Variants in KIAA0040 observed in about 807,000 individuals in gnomAD.
KIAA0040 encodes KIAA0040, also known as uncharacterized protein KIAA0040.
KIAA0040 carries 10 observed loss-of-function variants against 7.2 expected under a neutral mutation model. That is an observed-to-expected ratio of 1.38 (90% CI 0.85 to 2.34). KIAA0040 has a LOEUF of 2.34. KIAA0040 is among the 30% of genes most tolerant of loss of function. KIAA0040 has a pLI of 0.00. For synonymous variants in KIAA0040, 49 were observed against 40.1 expected (o/e 1.22, Z -0.84); for missense variants, 89 against 108.2 (o/e 0.82, Z 0.79).
At chr1:175,162,858 T>C (rs1006319869) in intron 3 of KIAA0040, among the ~76,000 whole-genome samples, 3 of 152,242 alleles carry the variant, frequency 2.0e-5, no homozygotes, top group African/African-American at 2.4e-5. Context: ...CACCTACTAC[T>C]GAGCCTTTTG....
chr1:175,178,222 C>T (rs946460610), intron 1 of KIAA0040, among the ~76,000 whole-genome samples: 1 of 152,208 alleles, frequency 6.6e-6, no homozygotes, highest in African/African-American at 2.4e-5. Flanking sequence ...GGCTAGCGGG[C>T]CATGTCCACT....
rs536358802 is a variant in KIAA0040 at position 175,183,436 on chromosome 1, GCT to G, written c.-383-5754_-383-5753del. ...CCCACATTCACTTCTGGCACCCCAA[GCT>G]CTCATACTTATGCAAGCTTCTTGTA... On this transcript the variant is annotated intron_variant, in intron 1 of 3. Coordinates refer to ENST00000423313, the MANE Select transcript of KIAA0040 (RefSeq NM_014656.3). Among the ~76,000 whole-genome samples, 139 of 152,320 alleles carry G rather than the reference GCT, an allele frequency of 9.1e-4. 1 individual carries two copies. The highest frequency in any genetic ancestry group is 3.2e-3 in the African/African-American group (135 of 41,574).
intron 3 of KIAA0040, among the ~76,000 whole-genome samples, chr1:175,161,719 C>T (rs953905149): frequency 3.9e-5 from 6 of 152,146 alleles, no homozygotes; most frequent in African/African-American, 7.2e-5. Flanking sequence ...GCCTGCTTTC[C>T]GTGCTGTCCC....
chr1:175,188,870 A>G (rs369317117), intron 1 of KIAA0040, among the ~76,000 whole-genome samples: 2 of 152,098 alleles, frequency 1.3e-5, no homozygotes, highest in African/African-American at 4.8e-5. Context: ...TTTTCATTTC[A>G]CCTTTCCACA....
intron 2 of KIAA0040, among the ~76,000 whole-genome samples, chr1:175,167,375 A>G (rs1676805418): frequency 6.6e-6 from 1 of 152,188 alleles, no homozygotes; most frequent in Non-Finnish European, 1.5e-5. Context: ...ACATAGGCAA[A>G]CAATACCTGT....
rs1676475522 is a variant in KIAA0040 at position 175,160,240 on chromosome 1, C to T, written c.*474G>A. On this transcript the variant is annotated 3_prime_UTR_variant, in exon 4 of 4. Coordinates refer to ENST00000423313, the MANE Select transcript of KIAA0040 (RefSeq NM_014656.3). ...ATATATGTGTCTGAATCTGGCAAGG[C>T]TTTCCCATGAGACATTTTTGTGACT... The T allele has an allele frequency of 6.3e-6, 1 of 158,776 alleles. No homozygotes were observed. Among genetic ancestry groups the T allele is most frequent in the Non-Finnish European group, 1.4e-5 (1 of 71,298 alleles). The allele number at this position is 158,776 out of a possible 1,614,324, so 9.8% of individuals were successfully genotyped here.
chr1:175,190,261 G>C (rs773298910), intron 1 of KIAA0040, among the ~76,000 whole-genome samples: 1 of 152,158 alleles, frequency 6.6e-6, no homozygotes, highest in African/African-American at 2.4e-5. Context: ...AGCCTTGAGC[G>C]TTCGGAGAAA....
intron 2 of KIAA0040, among the ~76,000 whole-genome samples, chr1:175,169,462 TA>T (rs1480343497): frequency 6.6e-6 from 1 of 152,212 alleles, no homozygotes; most frequent in Non-Finnish European, 1.5e-5. Context: ...TCAGTAGAAG[TA>T]GAGTGCCTCA....
rs754362769 is a variant in KIAA0040, at chr1:175,192,720, GA to G, written c.-465del. 15 of 152,332 alleles carry G rather than the reference GA, an allele frequency of 9.8e-5. No individual in the cohort carries two copies. Among genetic ancestry groups the G allele is most frequent in the Non-Finnish European group, 5.9e-5 (4 of 68,106 alleles). 9.4% of individuals were successfully genotyped at this position (152,332 alleles called of 1,614,324 possible). ...CCGTCTGACAGCGCCCCGGGCCCTG[GA>G]GGGAGGTGTGGGTTCCTTTTTGGTT... On this transcript the variant is annotated 5_prime_UTR_variant, in exon 1 of 4. Coordinates refer to ENST00000423313, the MANE Select transcript of KIAA0040 (RefSeq NM_014656.3).
At chr1:175,192,575 C>A (rs1233120099) in intron 1 of KIAA0040, 65 bp downstream of exon 1, 7 of 152,214 alleles carry the variant, frequency 4.6e-5, no homozygotes, top group Non-Finnish European at 1.0e-4. Context: ...TGGGCGTCTT[C>A]TTCCAAACAG....
intron 2 of KIAA0040, among the ~76,000 whole-genome samples, chr1:175,170,407 C>T (rs1039316358): frequency 1.3e-5 from 2 of 152,140 alleles, no homozygotes; most frequent in South Asian, 2.1e-4. Flanking sequence ...GAATGTAACG[C>T]GCACTCCCTG....
In KIAA0040 at chr1:175,161,117, C is replaced by G; in HGVS notation, c.-104G>C. The G allele has an allele frequency of 2.5e-6, 3 of 1,183,190 alleles. No individual in the cohort carries two copies. The highest frequency in any genetic ancestry group is 2.3e-6 in the Non-Finnish European group (2 of 855,280). 73.3% of individuals were successfully genotyped at this position (1,183,190 alleles called of 1,614,324 possible). A position where few individuals can be genotyped will look rare whatever the true frequency, so the allele number is the denominator to read the frequency against. On this transcript the variant is annotated 5_prime_UTR_variant, in exon 4 of 4. Transcript: ENST00000423313. Reference sequence around the variant, plus strand: ...CACTTGTAATTTATTCCTCTTCCAGCTTTGGGTTTGGGCATGCCACTGGCA... The same window carrying G: ...CACTTGTAATTTATTCCTCTTCCAGGTTTGGGTTTGGGCATGCCACTGGCA...
rs929341851 is a variant in KIAA0040 at position 175,158,754 on chromosome 1, A to G, written c.*1960T>C. On this transcript the variant is annotated 3_prime_UTR_variant, in exon 4 of 4. Transcript: ENST00000423313. ...AAGGGGTTGATGAGTGGGAGGCCTG[A>G]GTGCTTAGGCAGTTTATGGCCATAT... 1 of 152,218 alleles carries G rather than the reference A, an allele frequency of 6.6e-6. No homozygotes were observed. Among genetic ancestry groups the G allele is most frequent in the African/African-American group, 2.4e-5 (1 of 41,444 alleles). The allele number at this position is 152,218 out of a possible 1,614,324, so 9.4% of individuals were successfully genotyped here.
chr1:175,162,111 C>T (rs532865047), intron 3 of KIAA0040, among the ~76,000 whole-genome samples: 21 of 152,132 alleles, frequency 1.4e-4, no homozygotes, highest in Admixed American at 7.9e-4. Flanking sequence ...CCACATATAT[C>T]TTAAAGCTCA....
At chr1:175,175,216 C>T (rs1677139233) in intron 2 of KIAA0040, among the ~76,000 whole-genome samples, 1 of 152,148 alleles carries the variant, frequency 6.6e-6, no homozygotes, top group African/African-American at 2.4e-5. Flanking sequence ...TCAGGGTCTC[C>T]CACACAGGTA....
intron 1 of KIAA0040, among the ~76,000 whole-genome samples, chr1:175,190,472 T>C (rs75829151): frequency 0.029 from 4,360 of 152,296 alleles, 211 homozygotes; most frequent in African/African-American, 0.1. Context: ...ATGCCTAAAG[T>C]GTTCATCACT....
At position 175,178,501 on chromosome 1, in the gene KIAA0040, T is replaced by C. The variant is rs1299924307; in HGVS notation, c.-383-817A>G. 3.9e-5 allele frequency among the ~76,000 whole-genome samples: 6 copies of C among 152,216 alleles called. No individual in the cohort carries two copies. The East Asian group carries it at 7.7e-4, about 20-fold the overall frequency. The stretch of plus-strand genomic sequence containing the variant: ...AACAATTGTTTGCATCAATAAAATA[T>C]GCCATTTGAAGGATTTTTCCTGTAG... On this transcript the variant is annotated intron_variant, in intron 1 of 3. Coordinates refer to ENST00000423313, the MANE Select transcript of KIAA0040 (RefSeq NM_014656.3).
intron 2 of KIAA0040, among the ~76,000 whole-genome samples, chr1:175,170,400 T>C (rs2101888092): frequency 6.6e-6 from 1 of 152,294 alleles, no homozygotes; most frequent in South Asian, 2.1e-4. Context: ...AAAATCTGAA[T>C]GTAACGCGCA....
chr1:175,185,711 G>A (rs1394327819), intron 1 of KIAA0040, among the ~76,000 whole-genome samples: 1 of 152,170 alleles, frequency 6.6e-6, no homozygotes, highest in Non-Finnish European at 1.5e-5. Context: ...ATGCCCAAAA[G>A]AACTGAAAAC....
Sources: gnomAD v4.1 joint callset for allele counts (sites outside exome capture counted in the v4.1 genomes callset) on GRCh38, gnomAD v4.1.1 for gene constraint, MANE v1.5 for transcripts, NCBI Gene and HGNC (gene_info 2026-07-23, HGNC 2026-07-21) for gene names.